The following LIMCH1 variants were observed in gnomAD, a reference collection of about 807,000 sequenced individuals.
The protein encoded by LIMCH1 is LIM and calponin homology domains 1.
In LIMCH1, 113 loss-of-function variants were observed where a neutral mutation model predicts 176.5. The ratio of observed to expected loss-of-function variants is 0.64; its 90% CI spans 0.55 to 0.75. LIMCH1 has a LOEUF of 0.75. LIMCH1 is among the 30% of genes least tolerant of loss of function. The pLI, the probability that LIMCH1 is intolerant of heterozygous loss-of-function variation, is 0.00. For missense variants in LIMCH1, 1,674 were observed against 1,814.9 expected, an observed-to-expected ratio of 0.92 and a Z score of 1.41; for synonymous variants, 619 against 645.9, an observed-to-expected ratio of 0.96 and a Z score of 0.63.
chr4:41,553,878 T>C (rs1280217844), intron 1 of LIMCH1, among the ~76,000 whole-genome samples: 2 of 152,156 alleles, frequency 1.3e-5, no homozygotes, highest in African/African-American at 2.4e-5. Flanking sequence ...TCCTGCACTG[T>C]TATCTCAATG....
intron 2 of LIMCH1, among the ~76,000 whole-genome samples, chr4:41,504,989 C>G (rs981105443): frequency 3.3e-5 from 5 of 152,280 alleles, no homozygotes; most frequent in African/African-American, 7.2e-5. Context: ...TTTGAGTCCC[C>G]CAGTTTACTT....
At chr4:41,381,228 A>G (rs9996262) in intron 1 of LIMCH1, among the ~76,000 whole-genome samples, 2,359 of 152,284 alleles carry the variant, frequency 0.015, 54 homozygotes, top group African/African-American at 0.053. Flanking sequence ...CAGGTGCACA[A>G]AAGTGGAGGC....
intron 1 of LIMCH1, among the ~76,000 whole-genome samples, chr4:41,544,137 C>T (rs780494532): frequency 6.6e-6 from 1 of 151,668 alleles, no homozygotes; most frequent in African/African-American, 2.4e-5. Flanking sequence ...GGATGCTTTA[C>T]GTGTTATGCT....
At chr4:41,555,319 GCGGTGA>G (rs1304659972) in intron 1 of LIMCH1, among the ~76,000 whole-genome samples, 1 of 152,170 alleles carries the variant, frequency 6.6e-6, no homozygotes, top group Admixed American at 6.5e-5. Context: ...AAAAGAGCAT[GCGGTGA>G]ATACTGAAGC....
At chr4:41,532,707 C>A (rs190397239) in intron 3 of LIMCH1, among the ~76,000 whole-genome samples, 21 of 152,264 alleles carry the variant, frequency 1.4e-4, no homozygotes, top group African/African-American at 5.1e-4. Flanking sequence ...AGTCCCCTTG[C>A]GCATCTTTTG....
chr4:41,592,749 T>A (rs370372167), intron 1 of LIMCH1, among the ~76,000 whole-genome samples: 31 of 152,324 alleles, frequency 2.0e-4, no homozygotes, highest in African/African-American at 2.4e-4. Flanking sequence ...TCAGAAAGGT[T>A]AGGAACTATG....
At chr4:41,665,263 C>G (rs1012169020) in intron 20 of LIMCH1, among the ~76,000 whole-genome samples, 2 of 152,188 alleles carry the variant, frequency 1.3e-5, no homozygotes, top group African/African-American at 4.8e-5. Flanking sequence ...TGCTGATGAC[C>G]CTTAACTGTT....
At chr4:41,673,031 G>C (rs2095103736) in intron 22 of LIMCH1, among the ~76,000 whole-genome samples, 1 of 152,138 alleles carries the variant, frequency 6.6e-6, no homozygotes, top group African/African-American at 2.4e-5. Context: ...TAATCCAAGA[G>C]GCCCACCATA....
intron 7 of LIMCH1, among the ~76,000 whole-genome samples, chr4:41,623,330 A>G (rs1330883661): frequency 6.6e-6 from 1 of 152,190 alleles, no homozygotes; most frequent in East Asian, 1.9e-4. Flanking sequence ...GTTGTGGCCC[A>G]TTTCTCAGCT....
chr4:41,369,636 C>CT (rs201782535), intron 1 of LIMCH1, among the ~76,000 whole-genome samples: 1,547 of 151,948 alleles, frequency 0.01, 25 homozygotes, highest in African/African-American at 0.036. Flanking sequence ...CAGTTTTTGC[C>CT]TTTTTTTTAG....
At chr4:41,427,309 C>T (rs1158142736) in intron 1 of LIMCH1, among the ~76,000 whole-genome samples, 2 of 152,178 alleles carry the variant, frequency 1.3e-5, no homozygotes, top group Non-Finnish European at 2.9e-5. Flanking sequence ...AAGGCCATAT[C>T]ATGTGTTTTA....
intron 3 of LIMCH1, among the ~76,000 whole-genome samples, chr4:41,526,075 A>G (rs2076622611): frequency 6.6e-6 from 1 of 152,138 alleles, no homozygotes; most frequent in Non-Finnish European, 1.5e-5. Context: ...ATTTGTCTTT[A>G]TATTATTTCC....
chr4:41,522,808 G>C (rs1409909721), intron 2 of LIMCH1, among the ~76,000 whole-genome samples: 1 of 152,154 alleles, frequency 6.6e-6, no homozygotes, highest in East Asian at 1.9e-4. Context: ...TATAAAATGA[G>C]AAGAGTGAAT....
intron 1 of LIMCH1, among the ~76,000 whole-genome samples, chr4:41,457,584 TAA>T (rs1561433593): frequency 6.6e-6 from 1 of 152,188 alleles, no homozygotes; most frequent in African/African-American, 2.4e-5. Flanking sequence ...CCAGGGAGGC[TAA>T]GTAGCTTAGC....
At chr4:41,577,210 G>A (rs1268003493) in intron 1 of LIMCH1, among the ~76,000 whole-genome samples, 3 of 151,440 alleles carry the variant, frequency 2.0e-5, no homozygotes, top group Non-Finnish European at 2.9e-5. Context: ...TTGTTTTAGG[G>A]CTTGGAATCT....
chr4:41,530,823 T>TAAA (rs2077203718), intron 3 of LIMCH1, among the ~76,000 whole-genome samples: 5 of 86,480 alleles, frequency 5.8e-5, no homozygotes, highest in African/African-American at 3.7e-4. Flanking sequence ...AAAAAAATTT[T>TAAA]TTTTTTTTTT....
chr4:41,580,545 C>T (rs2085245162), intron 1 of LIMCH1, among the ~76,000 whole-genome samples: 1 of 151,712 alleles, frequency 6.6e-6, no homozygotes, highest in South Asian at 2.1e-4. Flanking sequence ...AACTTCTAAG[C>T]ACAGTGAAAG....
chr4:41,481,609 G>A (rs561577954), intron 1 of LIMCH1, among the ~76,000 whole-genome samples: 6 of 152,250 alleles, frequency 3.9e-5, no homozygotes, highest in African/African-American at 9.6e-5. Flanking sequence ...CAGTTGTCTG[G>A]CTGAGAGATG....
intron 2 of LIMCH1, among the ~76,000 whole-genome samples, chr4:41,517,287 T>C (rs1366830966): frequency 6.6e-6 from 1 of 152,168 alleles, no homozygotes; most frequent in Non-Finnish European, 1.5e-5. Flanking sequence ...CACTCTATTA[T>C]ATAGCCACAG....
Sources: allele counts gnomAD v4.1 joint callset (sites outside exome capture counted in the v4.1 genomes callset), GRCh38; gene constraint gnomAD v4.1.1; transcripts MANE v1.5; gene names NCBI Gene and HGNC (gene_info 2026-07-23, HGNC 2026-07-21).